Variants in SLC2A9 observed in about 807,000 individuals in gnomAD.
The protein encoded by SLC2A9 is solute carrier family 2, facilitated glucose transporter member 9.
In SLC2A9, 39 loss-of-function variants were observed where a neutral mutation model predicts 50.6. The observed-to-expected ratio is 0.77, with a 90% CI of 0.60 to 1.01. The LOEUF (loss-of-function observed/expected upper bound fraction) is 1.01, where lower values mean the gene tolerates loss of function less well. SLC2A9 is among the 50% of genes least tolerant of loss of function. The pLI, the probability that SLC2A9 is intolerant of heterozygous loss-of-function variation, is 0.00. For synonymous variants in SLC2A9, 324 were observed against 276.9 expected (o/e 1.17, Z -1.69); for missense variants, 686 against 677.6 (o/e 1.01, Z -0.14).
rs144789585 is a variant in SLC2A9 at position 9,842,591 on chromosome 4, T to C, written c.1292-7583A>G. Among the ~76,000 whole-genome samples the C allele has an allele frequency of 2.6e-3, 391 of 152,300 alleles. 1 individual carries two copies. Among genetic ancestry groups the C allele is most frequent in the African/African-American group, 8.9e-3 (370 of 41,572 alleles). On this transcript the variant is annotated intron_variant, in intron 10 of 11. Coordinates refer to ENST00000264784, the MANE Select transcript of SLC2A9 (RefSeq NM_020041.3). The stretch of plus-strand genomic sequence containing the variant: ...GGAAGAGATAGGACATGAAGTTGGG[T>C]CTTCTGACCATGTCCTTTTGATGGC...
chr4:9,782,846 C>T (rs772995460), intron 3 of SLC2A9: 19 of 1,611,728 alleles, frequency 1.2e-5, no homozygotes, highest in African/African-American at 4.0e-5. Flanking sequence ...GCAGAGCTGC[C>T]GGAGCAGCGC....
chr4:9,798,029 C>G (rs1268089141), downstream of SLC2A9, among the ~76,000 whole-genome samples: 5 of 152,194 alleles, frequency 3.3e-5, no homozygotes, highest in Non-Finnish European at 5.9e-5. Flanking sequence ...ATAGAGGCTG[C>G]TGGGTCCTTA....
At chr4:9,826,867 A>G (rs1725229984) in intron 11 of SLC2A9, among the ~76,000 whole-genome samples, 1 of 152,216 alleles carries the variant, frequency 6.6e-6, no homozygotes, top group African/African-American at 2.4e-5. Context: ...GCATTTAAAA[A>G]TTAATCATCA....
At chr4:9,980,529 C>T in intron 5 of SLC2A9, 63 bp downstream of exon 5, 1 of 1,610,294 alleles carries the variant, frequency 6.2e-7, no homozygotes, top group South Asian at 1.1e-5. Context: ...GGAGAAAAGG[C>T]TCCTTCCTGC....
At chr4:9,786,835 G>T (rs1482307835) in intron 3 of SLC2A9, among the ~76,000 whole-genome samples, 1 of 152,182 alleles carries the variant, frequency 6.6e-6, no homozygotes, top group Admixed American at 6.5e-5. Flanking sequence ...AGACATTTTT[G>T]GTTGTCACAA....
At chr4:9,955,177 C>A (rs867957234) in intron 5 of SLC2A9, among the ~76,000 whole-genome samples, 3 of 152,078 alleles carry the variant, frequency 2.0e-5, no homozygotes, top group South Asian at 4.2e-4. Context: ...GGAGACGCAA[C>A]CCCCTGGAAG....
At chr4:9,892,764 C>A (rs1442940786) in intron 8 of SLC2A9, among the ~76,000 whole-genome samples, 1 of 152,148 alleles carries the variant, frequency 6.6e-6, no homozygotes, top group East Asian at 1.9e-4. Flanking sequence ...GATCTGGTCC[C>A]AACTCTTACC....
At chr4:9,822,321 C>A (rs1263345724), downstream of SLC2A9, among the ~76,000 whole-genome samples, 4 of 151,862 alleles carry the variant, frequency 2.6e-5, no homozygotes, top group African/African-American at 9.7e-5. Context: ...TTATTATTTT[C>A]TTCCCTGTGT....
intron 10 of SLC2A9, among the ~76,000 whole-genome samples, chr4:9,873,893 C>T (rs1733853175): frequency 6.6e-6 from 1 of 152,212 alleles, no homozygotes; most frequent in South Asian, 2.1e-4. Context: ...TCTTCCCAAG[C>T]CTCTCCCATA....
At chr4:9,965,672 T>G (rs1160375745) in intron 5 of SLC2A9, among the ~76,000 whole-genome samples, 1 of 152,192 alleles carries the variant, frequency 6.6e-6, no homozygotes, top group African/African-American at 2.4e-5. Context: ...TTGAAAACAT[T>G]GTTCTAAATA....
intron 2 of SLC2A9, chr4:10,009,544 T>A (rs551404920): frequency 6.6e-6 from 1 of 152,360 alleles, no homozygotes; most frequent in Admixed American, 6.5e-5. Flanking sequence ...TGAGTCAACT[T>A]AATTGCTCTA....
intron 5 of SLC2A9, among the ~76,000 whole-genome samples, chr4:9,945,576 G>T (rs77459722): frequency 2.0e-5 from 3 of 152,046 alleles, no homozygotes; most frequent in Non-Finnish European, 4.4e-5. Flanking sequence ...ATGACTGGCC[G>T]CCAAATCTGG....
intron 5 of SLC2A9, among the ~76,000 whole-genome samples, chr4:9,979,517 C>A (rs1315829867): frequency 1.3e-5 from 2 of 152,060 alleles, no homozygotes; most frequent in Non-Finnish European, 2.9e-5. Flanking sequence ...TGGGAGGCAT[C>A]CCCTGGGAGG....
At chr4:9,885,290 G>C (rs1735992848) in intron 10 of SLC2A9, among the ~76,000 whole-genome samples, 1 of 152,104 alleles carries the variant, frequency 6.6e-6, no homozygotes, top group South Asian at 2.1e-4. Flanking sequence ...GCTCAATAAA[G>C]GCTTGAGAAA....
chr4:9,801,424 C>T (rs940925691), intron 3 of SLC2A9, among the ~76,000 whole-genome samples: 2 of 152,164 alleles, frequency 1.3e-5, no homozygotes, highest in African/African-American at 4.8e-5. Context: ...GAGGAAAAGC[C>T]ACTTGAGGGT....
At chr4:10,025,180 G>A (rs1420206232), upstream of SLC2A9, among the ~76,000 whole-genome samples, 2 of 152,124 alleles carry the variant, frequency 1.3e-5, no homozygotes, top group African/African-American at 4.8e-5. Flanking sequence ...AATTTTCCCT[G>A]GAGTCACAGT....
chr4:9,830,390 G>A lies in SLC2A9; in HGVS notation c.1420-3790C>T, dbSNP rs144228504. Reference sequence around the variant, plus strand: ...TGTGGTGGAGGGAGAGTGTTAGGAAGAATAGCTAATGGACTCTGGGTTTAA... The same window carrying A: ...TGTGGTGGAGGGAGAGTGTTAGGAAAAATAGCTAATGGACTCTGGGTTTAA... On this transcript the variant is annotated intron_variant, in intron 11 of 11. Coordinates refer to ENST00000264784, the MANE Select transcript of SLC2A9 (RefSeq NM_020041.3). 2.9e-3 allele frequency among the ~76,000 whole-genome samples: 445 copies of A among 152,308 alleles called. 2 individuals are homozygous for A. The highest frequency in any genetic ancestry group is 0.01 in the African/African-American group (420 of 41,564).
chr4:9,909,370 T>C (rs1452491761), intron 7 of SLC2A9, among the ~76,000 whole-genome samples: 1 of 152,232 alleles, frequency 6.6e-6, no homozygotes, highest in Middle Eastern at 3.2e-3. Context: ...GGAGTTGCTA[T>C]ACCAGCCCTC....
At chr4:9,957,160 C>A (rs1560384313) in intron 5 of SLC2A9, among the ~76,000 whole-genome samples, 1 of 151,948 alleles carries the variant, frequency 6.6e-6, no homozygotes, top group Admixed American at 6.6e-5. Flanking sequence ...ATCAATGGAA[C>A]CACAGTCATT....
Sources: gnomAD v4.1 joint callset for allele counts (sites outside exome capture counted in the v4.1 genomes callset) on GRCh38, gnomAD v4.1.1 for gene constraint, MANE v1.5 for transcripts, NCBI Gene and HGNC (gene_info 2026-07-23, HGNC 2026-07-21) for gene names.